Variants in ING2 observed in about 807,000 individuals in gnomAD.
The protein encoded by ING2 is inhibitor of growth protein 2.
ING2 carries 7 observed loss-of-function variants against 30.6 expected under a neutral mutation model. That is an observed-to-expected ratio of 0.23 (90% CI 0.13 to 0.43). The LOEUF is 0.43. Among genes scored for constraint, ING2 ranks in the 20% least tolerant of loss-of-function variants. The probability of loss-of-function intolerance (pLI) is 1.00; values close to 1 mark genes in which losing one functional copy is unlikely to be tolerated. For missense variants in ING2, 239 were observed against 334.9 expected (o/e 0.71, Z 2.24); for synonymous variants, 136 against 121.7 (o/e 1.12, Z -0.78).
chr4:183,506,882 G>T (rs1420363181), intron 1 of ING2, among the ~76,000 whole-genome samples: 1 of 152,124 alleles, frequency 6.6e-6, no homozygotes, highest in Admixed American at 6.5e-5. Context: ...CAAGTAACTC[G>T]TCCAGTTAAT....
chr4:183,506,337 G>A (rs1303315181), intron 1 of ING2: 2 of 1,297,536 alleles, frequency 1.5e-6, no homozygotes, highest in Non-Finnish European at 2.0e-6. Context: ...CGGGACATGT[G>A]TCACTTCCGG....
At chr4:183,506,448 G>T in intron 1 of ING2, 1 of 555,166 alleles carries the variant, frequency 1.8e-6, no homozygotes, top group East Asian at 7.0e-5. Flanking sequence ...CCCTTTGCCG[G>T]CCGACCCGGG....
At chr4:183,506,172 G>C (rs1221819162) in intron 1 of ING2, 1 of 1,287,814 alleles carries the variant, frequency 7.8e-7, no homozygotes, top group South Asian at 1.2e-5. Context: ...GGAGGGAGTC[G>C]GGGCTGTGCG....
intron 1 of ING2, among the ~76,000 whole-genome samples, chr4:183,507,348 G>A (rs1734676060): frequency 6.6e-6 from 1 of 152,228 alleles, no homozygotes; most frequent in Non-Finnish European, 1.5e-5. Flanking sequence ...GGACCCGCCC[G>A]CCTCGGCCTC....
chr4:183,506,130 C>T (rs1282997057), intron 1 of ING2: 2 of 1,230,846 alleles, frequency 1.6e-6, no homozygotes, highest in Middle Eastern at 5.1e-4. Flanking sequence ...AATGGCTGGT[C>T]GCGAGAGGGG....
chr4:183,505,637 A>G (rs1300474073), intron 1 of ING2, among the ~76,000 whole-genome samples: 1 of 152,100 alleles, frequency 6.6e-6, no homozygotes, highest in Non-Finnish European at 1.5e-5. Flanking sequence ...GGAATCAGCC[A>G]TTTTAAGCAG....
intron 1 of ING2, among the ~76,000 whole-genome samples, chr4:183,509,442 C>CT (rs1487321309): frequency 1.3e-5 from 2 of 150,940 alleles, no homozygotes; most frequent in African/African-American, 2.4e-5. Context: ...CCAAACATCT[C>CT]TTATCCTTTT....
In ING2 at chr4:183,511,059, AT is replaced by A; in HGVS notation, c.*109del. Reference sequence around the variant, plus strand: ...TAAGACTATGCAATAATTTTTAATCATTAGTATTAATGGTGTATTAAAAGTT... The same window carrying A: ...TAAGACTATGCAATAATTTTTAATCATAGTATTAATGGTGTATTAAAAGTT... On this transcript the variant is annotated 3_prime_UTR_variant, in exon 2 of 2. Transcript: ENST00000302327. The A allele has an allele frequency of 2.3e-6, 2 of 854,474 alleles. No homozygotes were observed. The allele number at this position is 854,474 out of a possible 1,614,324, so 52.9% of individuals were successfully genotyped here.
At chr4:183,508,204 A>C (rs770906440) in intron 1 of ING2, among the ~76,000 whole-genome samples, 4 of 151,966 alleles carry the variant, frequency 2.6e-5, no homozygotes, top group Non-Finnish European at 4.4e-5. Flanking sequence ...GGGCTGAGTA[A>C]ATGTTAATTT....
Position 183,510,642 on chromosome 4 carries a change from C to T in ING2, c.533C>T (p.Pro178Leu), listed in dbSNP as rs1734800865. 1 of 1,614,078 alleles carries T rather than the reference C, an allele frequency of 6.2e-7. No homozygotes were observed. Among genetic ancestry groups the T allele is most frequent in the Non-Finnish European group, 8.5e-7 (1 of 1,180,000 alleles). ...NGIEDCDDQP[P>L]KEKKSKSAKK... is the part of the protein sequence containing the mutation. ...ATTGAAGACTGTGATGATCAGCCAC[C>T]TAAAGAAAAGAAATCCAAGTCAGCA... The change falls in exon 2 of 2, where the codon CCT (proline) becomes CTT (leucine). Residue 178 changes from proline to leucine, a missense_variant. Pro to Leu is a moderately conservative substitution (Grantham distance 98). Transcript: ENST00000302327.
At chr4:183,507,690 A>G (rs1386556548) in intron 1 of ING2, among the ~76,000 whole-genome samples, 1 of 152,112 alleles carries the variant, frequency 6.6e-6, no homozygotes, top group Non-Finnish European at 1.5e-5. Flanking sequence ...TTTTATGTTT[A>G]TGTATATTTT....
chr4:183,506,444 G>C, intron 1 of ING2: 2 of 594,896 alleles, frequency 3.4e-6, no homozygotes, highest in Non-Finnish European at 5.6e-6. Context: ...ACCACCCTTT[G>C]CCGGCCGACC....
At position 183,505,306 on chromosome 4, in the gene ING2, G is replaced by T. The variant is rs763685216; in HGVS notation, c.111G>T (p.Ser37=). The change falls in exon 1 of 2, where the codon TCG becomes TCT. Residue 37 remains serine (S), a synonymous_variant. Coordinates refer to ENST00000302327, the MANE Select transcript of ING2 (RefSeq NM_001564.4). ...YVQDYLECVE[S]LPHDMQRNVS... ...AGGACTACCTTGAGTGCGTGGAGTC[G>T]CTGCCCCACGACATGCAGAGGAACG... The T allele has an allele frequency of 6.4e-7, 1 of 1,560,886 alleles. No homozygotes were observed. The highest frequency in any genetic ancestry group is 8.7e-7 in the Non-Finnish European group (1 of 1,154,064).
Position 183,505,864 on chromosome 4 carries a change from C to T in ING2, c.172+497C>T, listed in dbSNP as rs1267022182. On this transcript the variant is annotated intron_variant, in intron 1 of 1. Coordinates refer to ENST00000302327, the MANE Select transcript of ING2 (RefSeq NM_001564.4). ...AGGCCGCGGAGGCGGACTGAGGGGG[C>T]CTTCCTCCGCGCTCCTGCCCCGGCC... Among the ~76,000 whole-genome samples the T allele has an allele frequency of 3.3e-5, 5 of 152,088 alleles. No individual in the cohort carries two copies. The South Asian group carries it at 8.3e-4, about 25-fold the overall frequency.
chr4:183,512,260 T>G lies in ING2; in HGVS notation c.*1308T>G, dbSNP rs1734835451. Among the ~76,000 whole-genome samples the G allele has an allele frequency of 6.6e-6, 1 of 152,184 alleles. No homozygotes were observed. ...GTTTTGGGAAAAAAAAATGCTTTTT[T>G]TCTCTTCTAGCTCTCCTGTGTGACT... On this transcript the variant is annotated 3_prime_UTR_variant, in exon 2 of 2. Transcript: ENST00000302327.
chr4:183,510,266 C>A lies in ING2; in HGVS notation c.173-16C>A, dbSNP rs762477978. ...AACACATGATAACGTTCTCATTTTT[C>A]TTTTCCTTTTTTTAGAAACGTTAAA... On this transcript the variant is annotated splice_polypyrimidine_tract_variant and intron_variant, in intron 1 of 1. Coordinates refer to ENST00000302327, the MANE Select transcript of ING2 (RefSeq NM_001564.4). The A allele has an allele frequency of 1.3e-6, 2 of 1,519,204 alleles. No individual in the cohort carries two copies. The highest frequency in any genetic ancestry group is 2.5e-5 in the South Asian group (2 of 79,558). 94.1% of individuals were successfully genotyped at this position (1,519,204 alleles called of 1,614,324 possible).
chr4:183,507,113 T>C lies in ING2; in HGVS notation c.172+1746T>C, dbSNP rs535084011. Among the ~76,000 whole-genome samples the C allele has an allele frequency of 4.8e-4, 73 of 152,312 alleles. 1 individual carries two copies. The highest frequency in any genetic ancestry group is 9.1e-4 in the Non-Finnish European group (62 of 68,026). On this transcript the variant is annotated intron_variant, in intron 1 of 1. Coordinates refer to ENST00000302327, the MANE Select transcript of ING2 (RefSeq NM_001564.4). Reference sequence around the variant, plus strand: ...TTTGTAAAGCTTGTAGTTTGTGTTGTTGTTTTAGACAGAGCCTTGCTCTGT... The same window carrying C: ...TTTGTAAAGCTTGTAGTTTGTGTTGCTGTTTTAGACAGAGCCTTGCTCTGT...
rs997057102 is a variant in ING2, at chr4:183,506,212, G to T, written c.172+845G>T. 19 of 1,303,506 alleles carry T rather than the reference G, an allele frequency of 1.5e-5. No individual in the cohort carries two copies. The African/African-American group carries it at 2.4e-4, about 17-fold the overall frequency. 80.7% of individuals were successfully genotyped at this position (1,303,506 alleles called of 1,614,324 possible). A position where few individuals can be genotyped will look rare whatever the true frequency, so the allele number is the denominator to read the frequency against. ...CGTTGGTTCGGCCCCAGCGGAGTCC[G>T]AATCGGGGTTTGCAGCATGTTTTGC... is the stretch of plus-strand genomic sequence containing the variant. On this transcript the variant is annotated intron_variant, in intron 1 of 1. Coordinates refer to ENST00000302327, the MANE Select transcript of ING2 (RefSeq NM_001564.4).
intron 1 of ING2, among the ~76,000 whole-genome samples, chr4:183,506,571 G>A (rs1045561514): frequency 6.6e-5 from 10 of 152,176 alleles, no homozygotes; most frequent in Non-Finnish European, 1.2e-4. Flanking sequence ...TTGAATCGAG[G>A]AACAGACCTT....
Sources: allele counts gnomAD v4.1 joint callset (sites outside exome capture counted in the v4.1 genomes callset), GRCh38; gene constraint gnomAD v4.1.1; transcripts MANE v1.5; gene names NCBI Gene and HGNC (gene_info 2026-07-23, HGNC 2026-07-21).